Variants in DPYD observed in about 807,000 individuals in gnomAD.
DPYD encodes dihydropyrimidine dehydrogenase [NADP(+)].
In DPYD, 109 loss-of-function variants were observed where a neutral mutation model predicts 116.2. The ratio of observed to expected loss-of-function variants is 0.94; its 90% confidence interval spans 0.80 to 1.10. DPYD has a LOEUF of 1.10. DPYD is among the 50% of genes least tolerant of loss of function. The pLI, the probability that DPYD is intolerant of heterozygous loss-of-function variation, is 0.00. For missense variants in DPYD, 1,302 were observed against 1,254.5 expected (o/e 1.04, Z -0.57); for synonymous variants, 440 against 432.0 (o/e 1.02, Z -0.23).
chr1:97,853,113 T>C (rs904080035), intron 2 of DPYD, among the ~76,000 whole-genome samples: 1 of 152,172 alleles, frequency 6.6e-6, no homozygotes, highest in Non-Finnish European at 1.5e-5. Flanking sequence ...TAGCATTCTG[T>C]AGGTCTCCCT....
intron 2 of DPYD, among the ~76,000 whole-genome samples, chr1:97,845,916 G>A (rs996328822): frequency 5.3e-5 from 8 of 152,304 alleles, no homozygotes; most frequent in South Asian, 2.1e-4. Flanking sequence ...ACATGGAGCC[G>A]GGACCTGTAC....
intron 11 of DPYD, among the ~76,000 whole-genome samples, chr1:97,568,481 T>C (rs1395771429): frequency 6.6e-6 from 1 of 151,976 alleles, no homozygotes; most frequent in African/African-American, 2.4e-5. Flanking sequence ...GAAGAACAGG[T>C]AGACTAAGTA....
chr1:97,251,687 A>G lies in DPYD; in HGVS notation c.2300-16693T>C, dbSNP rs1339560221. ...CACACACACACATTGTCAGTGATAA[A>G]TCACTAGTTACTAAGAATAAGGACA... On this transcript the variant is annotated intron_variant, in intron 18 of 22. Coordinates refer to ENST00000370192, the MANE Select transcript of DPYD (RefSeq NM_000110.4). Among the ~76,000 whole-genome samples, 37 of 152,178 alleles carry G rather than the reference A, an allele frequency of 2.4e-4. 1 individual carries two copies. The highest frequency in any genetic ancestry group is 2.4e-3 in the Admixed American group (37 of 15,266).
Position 97,261,091 on chromosome 1 carries a change from T to C in DPYD, c.2300-26097A>G, listed in dbSNP as rs534761963. On this transcript the variant is annotated intron_variant, in intron 18 of 22. Transcript: ENST00000370192. ...ACTGAATTGTAGATAGGGGTGTAAATAGTTGCTGGATTGTGAAGACTTAGT... is the reference window on the plus strand; with the variant it reads ...ACTGAATTGTAGATAGGGGTGTAAACAGTTGCTGGATTGTGAAGACTTAGT... Among the ~76,000 whole-genome samples, 10 of 152,232 alleles carry C rather than the reference T, an allele frequency of 6.6e-5. No individual in the cohort carries two copies. The East Asian group carries it at 1.2e-3, about 18-fold the overall frequency.
intron 3 of DPYD, among the ~76,000 whole-genome samples, chr1:97,757,378 A>T (rs1665307331): frequency 6.6e-6 from 1 of 152,178 alleles, no homozygotes; most frequent in African/African-American, 2.4e-5. Flanking sequence ...CATCAGATGC[A>T]GGAGGCCCAG....
intron 8 of DPYD, among the ~76,000 whole-genome samples, chr1:97,626,440 A>T (rs936807315): frequency 1.2e-4 from 18 of 152,040 alleles, no homozygotes; most frequent in Non-Finnish European, 2.5e-4. Flanking sequence ...TACTACAAAG[A>T]CAAGAAAAAA....
intron 8 of DPYD, among the ~76,000 whole-genome samples, chr1:97,642,888 A>T (rs1032698988): frequency 6.0e-5 from 9 of 148,908 alleles, no homozygotes; most frequent in East Asian, 3.9e-4. Context: ...TAATAATAAT[A>T]AAATTAAATT....
At chr1:97,721,409 A>C in intron 5 of DPYD, 101 bp downstream of exon 5, 1 of 1,425,806 alleles carries the variant, frequency 7.0e-7, no homozygotes, top group South Asian at 1.2e-5. Context: ...TGTCACACTA[A>C]AAATGTTGGG....
At position 97,533,930 on chromosome 1, in the gene DPYD, C is replaced by A. The variant is rs138641236; in HGVS notation, c.1524+15630G>T. Among the ~76,000 whole-genome samples the A allele has an allele frequency of 2.1e-3, 320 of 152,168 alleles. 17 individuals carry two copies. The East Asian group carries it at 0.049, about 23-fold the overall frequency. On this transcript the variant is annotated intron_variant, in intron 12 of 22. Transcript: ENST00000370192. ...AACCCCAAGCATGCTCATTTGTATC[C>A]TTCTGTTCCCATGGTAACTCTACCC...
At chr1:97,700,426 A>C (rs2100975043) in intron 5 of DPYD, 1 of 374,328 alleles carries the variant, frequency 2.7e-6, no homozygotes, top group Middle Eastern at 9.1e-4. Flanking sequence ...ACTAAATAAG[A>C]AAGAGCCCTA....
chr1:97,099,401 C>A (rs771237526), intron 20 of DPYD, among the ~76,000 whole-genome samples: 1 of 151,992 alleles, frequency 6.6e-6, no homozygotes, highest in Non-Finnish European at 1.5e-5. Flanking sequence ...GATACCTGGG[C>A]GTCATGGAAA....
intron 3 of DPYD, among the ~76,000 whole-genome samples, chr1:97,748,568 C>A (rs1422851301): frequency 1.3e-5 from 2 of 151,986 alleles, no homozygotes; most frequent in Non-Finnish European, 2.9e-5. Context: ...GAGATTATGC[C>A]ACTGCACTCC....
intron 12 of DPYD, among the ~76,000 whole-genome samples, chr1:97,543,159 C>A (rs988296531): frequency 6.6e-6 from 1 of 152,140 alleles, no homozygotes; most frequent in African/African-American, 2.4e-5. Context: ...TTATTCACTT[C>A]TATACCCTGG....
chr1:97,771,501 A>C (rs1467992594), intron 3 of DPYD, among the ~76,000 whole-genome samples: 1 of 152,216 alleles, frequency 6.6e-6, no homozygotes, highest in African/African-American at 2.4e-5. Context: ...GATGAAATTA[A>C]CAAAAAAGCA....
chr1:97,385,997 A>G (rs575362158), intron 14 of DPYD, among the ~76,000 whole-genome samples: 67 of 152,208 alleles, frequency 4.4e-4, no homozygotes, highest in African/African-American at 1.5e-3. Flanking sequence ...TATCATACAG[A>G]GAGTTGTTCA....
intron 2 of DPYD, among the ~76,000 whole-genome samples, chr1:97,873,857 A>C (rs1472233275): frequency 6.6e-6 from 1 of 151,984 alleles, no homozygotes; most frequent in Non-Finnish European, 1.5e-5. Flanking sequence ...TCAGGAGCTG[A>C]AGATACAGTT....
At chr1:97,271,862 C>G (rs1664601981) in intron 18 of DPYD, among the ~76,000 whole-genome samples, 1 of 152,116 alleles carries the variant, frequency 6.6e-6, no homozygotes, top group African/African-American at 2.4e-5. Context: ...GACATTCACT[C>G]TGTTCTTCTC....
chr1:97,777,856 A>G (rs1666502179), intron 3 of DPYD, among the ~76,000 whole-genome samples: 2 of 152,000 alleles, frequency 1.3e-5, no homozygotes, highest in African/African-American at 2.4e-5. Flanking sequence ...TCTTAAGATT[A>G]CATCAGAAAA....
intron 2 of DPYD, among the ~76,000 whole-genome samples, chr1:97,845,749 A>T (rs191116943): frequency 7.9e-5 from 12 of 152,288 alleles, no homozygotes; most frequent in Admixed American, 7.8e-4. Flanking sequence ...GGGAGGCCAG[A>T]CCTAGGGGTT....
Sources: gnomAD v4.1 joint callset for allele counts (sites outside exome capture counted in the v4.1 genomes callset) on GRCh38, gnomAD v4.1.1 for gene constraint, MANE v1.5 for transcripts, NCBI Gene and HGNC (gene_info 2026-07-23, HGNC 2026-07-21) for gene names.